ANO3: variants seen among roughly 807,000 people sequenced by gnomAD.
ANO3 encodes the protein anoctamin 3.
Under a neutral mutation model 144.8 loss-of-function variants are expected in ANO3, and 99 were observed. That is an observed-to-expected ratio of 0.68 (90% CI 0.58 to 0.81). The LOEUF is 0.81. Ranked by LOEUF, ANO3 falls within the 30% of genes least tolerant of loss-of-function variation. ANO3 has a pLI of 0.00. For synonymous variants in ANO3, 414 were observed against 392.6 expected (o/e 1.05, Z -0.64); for missense variants, 905 against 1,202.2 (o/e 0.75, Z 3.66).
At chr11:26,202,294 AG>A (rs1851711318) in intron 1 of ANO3, among the ~76,000 whole-genome samples, 1 of 144,436 alleles carries the variant, frequency 6.9e-6, no homozygotes, top group Non-Finnish European at 1.5e-5. Flanking sequence ...TATATAATAT[AG>A]ATACATATTA....
intron 1 of ANO3, among the ~76,000 whole-genome samples, chr11:26,314,480 T>C (rs1012297665): frequency 3.3e-5 from 5 of 152,176 alleles, no homozygotes; most frequent in African/African-American, 1.2e-4. Flanking sequence ...AATGGGGTAA[T>C]ATACAAAATT....
intron 17 of ANO3, among the ~76,000 whole-genome samples, chr11:26,603,327 T>G (rs1230970755): frequency 1.3e-5 from 2 of 152,054 alleles, no homozygotes; most frequent in African/African-American, 2.4e-5. Flanking sequence ...TCACCTATTT[T>G]GAATTTTCTA....
chr11:26,505,420 C>T (rs1274005115), intron 4 of ANO3, among the ~76,000 whole-genome samples: 1 of 152,086 alleles, frequency 6.6e-6, no homozygotes, highest in African/African-American at 2.4e-5. Context: ...ATATACAAGC[C>T]TGTGAATATT....
At chr11:26,290,636 C>G (rs1853935142) in intron 1 of ANO3, among the ~76,000 whole-genome samples, 1 of 152,166 alleles carries the variant, frequency 6.6e-6, no homozygotes. Context: ...TTTCAAAGAA[C>G]ATCTTTATTT....
intron 1 of ANO3, among the ~76,000 whole-genome samples, chr11:26,293,155 A>G (rs1853998906): frequency 6.6e-6 from 1 of 152,182 alleles, no homozygotes; most frequent in Admixed American, 6.5e-5. Flanking sequence ...TGTTTTGAAA[A>G]GGTAAATTTT....
chr11:26,408,063 G>T (rs1857335002), intron 1 of ANO3, among the ~76,000 whole-genome samples: 1 of 151,906 alleles, frequency 6.6e-6, no homozygotes. Flanking sequence ...CATAGACATG[G>T]GCAAGGACTT....
intron 1 of ANO3, among the ~76,000 whole-genome samples, chr11:26,239,161 CA>C (rs1334960106): frequency 6.6e-6 from 1 of 151,502 alleles, no homozygotes; most frequent in Non-Finnish European, 1.5e-5. Context: ...TTTATAAATG[CA>C]GACACATTAT....
intron 24 of ANO3, 83 bp downstream of exon 24, chr11:26,647,939 G>A (rs546055823): frequency 1.2e-4 from 165 of 1,340,280 alleles, no homozygotes; most frequent in Middle Eastern, 2.4e-4. Flanking sequence ...TTTGTTCTGT[G>A]ACCATTAAGG....
chr11:26,564,744 T>C (rs1325605205), intron 14 of ANO3, among the ~76,000 whole-genome samples: 30 of 43,184 alleles, frequency 6.9e-4, no homozygotes, highest in Admixed American at 1.8e-3. Context: ...TATATATATA[T>C]ATATATATAT....
intron 14 of ANO3, among the ~76,000 whole-genome samples, chr11:26,579,767 C>G (rs980308990): frequency 4.6e-5 from 7 of 152,030 alleles, no homozygotes; most frequent in African/African-American, 1.7e-4. Flanking sequence ...TGTTATGAAT[C>G]CCCTCTTTTA....
At chr11:26,348,622 G>A (rs1855557392) in intron 1 of ANO3, among the ~76,000 whole-genome samples, 1 of 152,208 alleles carries the variant, frequency 6.6e-6, no homozygotes, top group South Asian at 2.1e-4. Context: ...CTTATCACAT[G>A]TTTATGGTTA....
chr11:26,415,056 A>ATGTGTGTGTGTGTGTG (rs149901742), intron 1 of ANO3, among the ~76,000 whole-genome samples: 1 of 145,458 alleles, frequency 6.9e-6, no homozygotes, highest in Non-Finnish European at 1.5e-5. Flanking sequence ...ATTGGTGTGT[A>ATGTGTGTGTGTGTGTG]TGTGTGTGTG....
At chr11:26,628,209 A>C (rs1340540407) in intron 18 of ANO3, among the ~76,000 whole-genome samples, 1 of 152,196 alleles carries the variant, frequency 6.6e-6, no homozygotes, top group African/African-American at 2.4e-5. Context: ...GATTAGAAGG[A>C]ACAAATTAAG....
chr11:26,447,410 G>A (rs562342236), intron 3 of ANO3, among the ~76,000 whole-genome samples: 59 of 152,082 alleles, frequency 3.9e-4, no homozygotes, highest in African/African-American at 1.3e-3. Flanking sequence ...AAAATAATTT[G>A]CCAAATGTCA....
intron 14 of ANO3, among the ~76,000 whole-genome samples, chr11:26,587,796 A>C (rs951517881): frequency 6.6e-6 from 1 of 152,042 alleles, no homozygotes; most frequent in Admixed American, 6.6e-5. Context: ...GTCTCAACTA[A>C]AATTAAAAAA....
intron 5 of ANO3, among the ~76,000 whole-genome samples, chr11:26,511,841 C>T (rs1012901367): frequency 1.3e-5 from 2 of 151,972 alleles, no homozygotes; most frequent in Non-Finnish European, 2.9e-5. Flanking sequence ...GATCCCACCA[C>T]AGCATAGATC....
intron 1 of ANO3, among the ~76,000 whole-genome samples, chr11:26,434,486 C>T (rs1010181459): frequency 1.3e-5 from 2 of 152,116 alleles, no homozygotes; most frequent in African/African-American, 4.8e-5. Flanking sequence ...TTGGTTTACT[C>T]TTGCTTCTCT....
upstream of ANO3, among the ~76,000 whole-genome samples, chr11:26,307,912 C>G (rs941507863): frequency 6.6e-6 from 1 of 152,020 alleles, no homozygotes; most frequent in African/African-American, 2.4e-5. Context: ...TCCTCTCCTT[C>G]ATCTCACAAA....
intron 18 of ANO3, among the ~76,000 whole-genome samples, chr11:26,632,582 T>A (rs1450178534): frequency 1.4e-5 from 2 of 147,042 alleles, no homozygotes; most frequent in Non-Finnish European, 3.0e-5. Flanking sequence ...AATATACGTT[T>A]TATATATATA....
Sources: allele counts gnomAD v4.1 joint callset (sites outside exome capture counted in the v4.1 genomes callset), GRCh38; gene constraint gnomAD v4.1.1; transcripts MANE v1.5; gene names NCBI Gene and HGNC (gene_info 2026-07-23, HGNC 2026-07-21).